The following HHAT variants were observed in gnomAD, a reference collection of about 807,000 sequenced individuals.
HHAT encodes hedgehog acyltransferase.
HHAT carries 47 observed loss-of-function variants against 70.8 expected under a neutral mutation model. That is an observed-to-expected ratio of 0.66 (90% CI 0.53 to 0.85). The LOEUF (loss-of-function observed/expected upper bound fraction) is 0.85, where lower values mean the gene tolerates loss of function less well. Among genes scored for constraint, HHAT ranks in the 40% least tolerant of loss-of-function variants. The pLI is 0.00. For missense variants in HHAT, 609 were observed against 604.8 expected (o/e 1.01, Z -0.07); for synonymous variants, 228 against 247.6 (o/e 0.92, Z 0.74).
intron 9 of HHAT, among the ~76,000 whole-genome samples, chr1:210,569,219 C>T (rs1655525533): frequency 1.3e-5 from 2 of 151,668 alleles, no homozygotes; most frequent in South Asian, 2.1e-4. Flanking sequence ...ACTAAAAATA[C>T]AAAAATTAGC....
chr1:210,419,494 T>C (rs2092828983), intron 7 of HHAT, among the ~76,000 whole-genome samples: 1 of 152,196 alleles, frequency 6.6e-6, no homozygotes. Flanking sequence ...AGTGGCTGAC[T>C]TCTGCCTGTG....
intron 9 of HHAT, among the ~76,000 whole-genome samples, chr1:210,515,005 A>G (rs1159345568): frequency 6.6e-6 from 1 of 152,204 alleles, no homozygotes; most frequent in Non-Finnish European, 1.5e-5. Flanking sequence ...TGAGACTGGT[A>G]TCCCCTTGCT....
chr1:210,662,173 T>C (rs1677873433), intron 11 of HHAT, among the ~76,000 whole-genome samples: 2 of 152,214 alleles, frequency 1.3e-5, no homozygotes, highest in Non-Finnish European at 2.9e-5. Context: ...GCTGTGGAGC[T>C]GAACATAAGT....
chr1:210,473,420 C>T (rs1041054630), intron 8 of HHAT, among the ~76,000 whole-genome samples: 1 of 152,024 alleles, frequency 6.6e-6, no homozygotes, highest in African/African-American at 2.4e-5. Context: ...ATCCCCTTAG[C>T]CAAGAGGAGG....
chr1:210,341,761 T>A (rs1435430810), intron 1 of HHAT, among the ~76,000 whole-genome samples: 1 of 152,180 alleles, frequency 6.6e-6, no homozygotes, highest in African/African-American at 2.4e-5. Flanking sequence ...CAGCTAAGAT[T>A]TTATTCTGTG....
At chr1:210,374,297 G>A (rs2089986366) in intron 3 of HHAT, 1 of 152,216 alleles carries the variant, frequency 6.6e-6, no homozygotes, top group Non-Finnish European at 1.5e-5. Context: ...ACTCATTGTT[G>A]CAGTAACCGC....
intron 10 of HHAT, among the ~76,000 whole-genome samples, chr1:210,605,466 A>G (rs1665199915): frequency 6.6e-6 from 1 of 152,194 alleles, no homozygotes; most frequent in Non-Finnish European, 1.5e-5. Flanking sequence ...CAGTACTTGG[A>G]CAACATGGGT....
chr1:210,660,761 C>T (rs891989486), intron 11 of HHAT, among the ~76,000 whole-genome samples: 2 of 152,118 alleles, frequency 1.3e-5, no homozygotes, highest in Admixed American at 6.5e-5. Context: ...AATAACACCA[C>T]ACATCTATAA....
intron 7 of HHAT, among the ~76,000 whole-genome samples, chr1:210,440,645 G>A (rs1208505147): frequency 2.0e-5 from 3 of 151,726 alleles, no homozygotes; most frequent in Non-Finnish European, 4.4e-5. Flanking sequence ...TTGTCTACTC[G>A]GTCACCCAGT....
chr1:210,381,309 CT>C (rs1428187053), intron 3 of HHAT, among the ~76,000 whole-genome samples: 1 of 151,986 alleles, frequency 6.6e-6, no homozygotes, highest in Non-Finnish European at 1.5e-5. Flanking sequence ...GAGACAGAGT[CT>C]TGCTCTGTTA....
chr1:210,540,503 GCA>G (rs368372222), intron 9 of HHAT, among the ~76,000 whole-genome samples: 18 of 132,382 alleles, frequency 1.4e-4, no homozygotes, highest in Admixed American at 5.2e-4. Context: ...ACACACACAT[GCA>G]CACACACACA....
chr1:210,354,195 CTTTTTTTTTTTTTTTT>C (rs71146220), intron 2 of HHAT, among the ~76,000 whole-genome samples: 1 of 102,614 alleles, frequency 9.7e-6, no homozygotes, highest in Non-Finnish European at 1.9e-5. Context: ...AACATAATGT[CTTTTTTTTTTTTTTTT>C]TTTTTTTTTT....
chr1:210,511,716 G>T (rs552445401), intron 8 of HHAT, among the ~76,000 whole-genome samples: 1 of 151,046 alleles, frequency 6.6e-6, no homozygotes, highest in Non-Finnish European at 1.5e-5. Context: ...ACCACCACCC[G>T]TTAGGTGTTG....
intron 10 of HHAT, among the ~76,000 whole-genome samples, chr1:210,606,680 T>C (rs548924903): frequency 6.6e-6 from 1 of 152,314 alleles, no homozygotes; most frequent in Middle Eastern, 3.4e-3. Flanking sequence ...TCCCTTGATT[T>C]GGTGGAGGAC....
rs59554789 is a variant in HHAT at position 210,394,229 on chromosome 1, C to CTT, written c.274-6205_274-6204dup. On this transcript the variant is annotated intron_variant, in intron 4 of 11. Transcript: ENST00000261458. ...TTTTATTTTCAAAAGCATGATCTAT[C>CTT]TTTTTTTTTTTTTTTTTTTTTTTTT... Among the ~76,000 whole-genome samples, 170 of 116,210 alleles carry CTT rather than the reference C, an allele frequency of 1.5e-3. 14 individuals are homozygous for CTT. The highest frequency in any genetic ancestry group is 4.6e-3 in the East Asian group (11 of 2,396). The allele number at this position is 116,210 out of a possible 152,430, so 76.2% of individuals were successfully genotyped here. A position where few individuals can be genotyped will look rare whatever the true frequency, so the allele number is the denominator to read the frequency against.
At chr1:210,659,727 A>G (rs893665166) in intron 11 of HHAT, among the ~76,000 whole-genome samples, 9 of 152,232 alleles carry the variant, frequency 5.9e-5, no homozygotes, top group African/African-American at 1.7e-4. Context: ...ACCACGATCA[A>G]GTCAGCTTCA....
At chr1:210,536,963 T>G (rs752901554) in intron 9 of HHAT, among the ~76,000 whole-genome samples, 3 of 152,066 alleles carry the variant, frequency 2.0e-5, no homozygotes, top group Non-Finnish European at 4.4e-5. Flanking sequence ...GGAATTGCAC[T>G]TGGTTGAAAC....
intron 8 of HHAT, among the ~76,000 whole-genome samples, chr1:210,478,562 G>A (rs1041218675): frequency 6.6e-6 from 1 of 152,190 alleles, no homozygotes; most frequent in African/African-American, 2.4e-5. Flanking sequence ...TAGGTCTCTT[G>A]CCTGTGCTTC....
chr1:210,328,831 C>T (rs1184914251), upstream of HHAT: 12 of 408,194 alleles, frequency 2.9e-5, no homozygotes, highest in Admixed American at 4.6e-5. Flanking sequence ...CCGCCCCCTG[C>T]AGCAGCACGG....
Sources: gnomAD v4.1 joint callset for allele counts (sites outside exome capture counted in the v4.1 genomes callset) on GRCh38, gnomAD v4.1.1 for gene constraint, MANE v1.5 for transcripts, NCBI Gene and HGNC (gene_info 2026-07-23, HGNC 2026-07-21) for gene names.